BEND7: variants seen among roughly 807,000 people sequenced by gnomAD.
BEND7 encodes the protein BEN domain containing 7.
BEND7 carries 28 observed loss-of-function variants against 50.9 expected under a neutral mutation model. The ratio of observed to expected loss-of-function variants is 0.55; its 90% CI spans 0.41 to 0.75. The LOEUF is 0.75. BEND7 is among the 30% of genes least tolerant of loss of function. BEND7 has a pLI of 0.00. For synonymous variants in BEND7, 170 were observed against 183.9 expected (o/e 0.92, Z 0.61); for missense variants, 477 against 491.3 (o/e 0.97, Z 0.28).
chr10:13,477,461 T>A (rs1470158488), intron 6 of BEND7, among the ~76,000 whole-genome samples: 1 of 152,178 alleles, frequency 6.6e-6, no homozygotes, highest in African/African-American at 2.4e-5. Context: ...TTCAAAAGAC[T>A]CAGGTTAGGG....
At chr10:13,464,409 A>C (rs1265151143) in intron 6 of BEND7, among the ~76,000 whole-genome samples, 5 of 152,244 alleles carry the variant, frequency 3.3e-5, no homozygotes, top group Non-Finnish European at 5.9e-5. Context: ...AAGTTGCAAA[A>C]GTACCGTGTG....
intron 2 of BEND7, among the ~76,000 whole-genome samples, chr10:13,510,900 G>A (rs35946001): frequency 0.11 from 16,363 of 151,982 alleles, 1,104 homozygotes; most frequent in Non-Finnish European, 0.15. Flanking sequence ...GTCAAGGGCC[G>A]GGCACAGTGG....
intron 6 of BEND7, among the ~76,000 whole-genome samples, chr10:13,461,717 A>T (rs1465664275): frequency 6.9e-6 from 1 of 145,506 alleles, no homozygotes; most frequent in Non-Finnish European, 1.5e-5. Context: ...TGGGAGACAG[A>T]GCGAGACTCC....
Position 13,441,435 on chromosome 10 carries a change from T to TCTGGGTGTTGG in BEND7, c.*307_*308insCCAACACCCAG. ...TTGATACGTATTTCCAGTGTGTAGA[T>TCTGGGTGTTGG]CCGTTCATCGCACACATCTTTGGGT... On this transcript the variant is annotated 3_prime_UTR_variant, in exon 9 of 9. Transcript: ENST00000466271. The TCTGGGTGTTGG allele has an allele frequency of 8.2e-7, 1 of 1,224,466 alleles. No homozygotes were observed. Among genetic ancestry groups the TCTGGGTGTTGG allele is most frequent in the South Asian group, 3.4e-5 (1 of 29,684 alleles). The allele number at this position is 1,224,466 out of a possible 1,614,324, so 75.9% of individuals were successfully genotyped here.
At chr10:13,472,651 G>A (rs765119130) in intron 6 of BEND7, among the ~76,000 whole-genome samples, 47 of 150,846 alleles carry the variant, frequency 3.1e-4, no homozygotes, top group Non-Finnish European at 4.6e-4. Flanking sequence ...ACTCGGGGTC[G>A]ATACCCATCA....
chr10:13,471,282 CTGA>C (rs1358936262), intron 6 of BEND7, among the ~76,000 whole-genome samples: 1 of 152,344 alleles, frequency 6.6e-6, no homozygotes, highest in South Asian at 2.1e-4. Flanking sequence ...TTCATGCCTG[CTGA>C]TGATTTCTAG....
downstream of BEND7, among the ~76,000 whole-genome samples, chr10:13,440,533 G>C (rs781093624): frequency 1.3e-5 from 2 of 152,242 alleles, no homozygotes; most frequent in Non-Finnish European, 2.9e-5. Flanking sequence ...CCCAGAGTCA[G>C]ACCCTGAATT....
chr10:13,470,632 TGAG>T (rs1200274583), intron 6 of BEND7, among the ~76,000 whole-genome samples: 7 of 152,174 alleles, frequency 4.6e-5, no homozygotes, highest in African/African-American at 1.4e-4. Context: ...TTCACAGTTT[TGAG>T]GAGATGAGAT....
chr10:13,453,670 C>T (rs1348734703), intron 6 of BEND7, among the ~76,000 whole-genome samples: 1 of 152,010 alleles, frequency 6.6e-6, no homozygotes, highest in African/African-American at 2.4e-5. Context: ...GATAAATGGG[C>T]AAAAAATATT....
intron 6 of BEND7, 61 bp from the exon 7 acceptor site, chr10:13,452,719 CAGAAAT>C (rs1838041347): frequency 2.1e-6 from 3 of 1,442,560 alleles, no homozygotes; most frequent in Non-Finnish European, 2.8e-6. Flanking sequence ...AGATCTGAAA[CAGAAAT>C]ATATTCTAAA....
At chr10:13,516,367 CAG>C (rs2078670783) in intron 2 of BEND7, among the ~76,000 whole-genome samples, 1 of 152,202 alleles carries the variant, frequency 6.6e-6, no homozygotes, top group Admixed American at 6.5e-5. Flanking sequence ...TGGTGACACA[CAG>C]GGGCACAGGA....
At position 13,441,636 on chromosome 10, in the gene BEND7, A is replaced by T. The variant is rs1391204762; in HGVS notation, c.*107T>A. 3 of 1,585,626 alleles carry T rather than the reference A, an allele frequency of 1.9e-6. No individual in the cohort carries two copies. In the African/African-American group the frequency reaches 4.1e-5, roughly 22 times the overall value. ...ATTTTAACACGGCGAAAGGTCACCA[A>T]TTAATCTTCTCCCTTCCCTTGGGTA... On this transcript the variant is annotated 3_prime_UTR_variant, in exon 9 of 9. Coordinates refer to ENST00000466271, the MANE Select transcript of BEND7 (RefSeq NM_001369863.1).
intron 1 of BEND7, chr10:13,527,870 ATTTCTTTTC>A (rs1027711645): frequency 2.0e-6 from 2 of 982,374 alleles, no homozygotes; most frequent in East Asian, 1.1e-4. Flanking sequence ...AACTAGATGG[ATTTCTTTTC>A]TTTCTTTTCT....
intron 6 of BEND7, among the ~76,000 whole-genome samples, chr10:13,464,749 C>T (rs919083065): frequency 6.6e-6 from 1 of 152,204 alleles, no homozygotes; most frequent in Non-Finnish European, 1.5e-5. Context: ...GGACAAATGT[C>T]GTTCTTCAGT....
At chr10:13,476,530 CG>C (rs146124622) in intron 6 of BEND7, among the ~76,000 whole-genome samples, 4,078 of 152,236 alleles carry the variant, frequency 0.027, 179 homozygotes, top group African/African-American at 0.094. Context: ...ACTATGAAGT[CG>C]AATTAAAAAT....
chr10:13,515,726 G>A (rs1046216548), intron 2 of BEND7, among the ~76,000 whole-genome samples: 6 of 152,168 alleles, frequency 3.9e-5, no homozygotes, highest in Non-Finnish European at 8.8e-5. Context: ...CTTCATCCTG[G>A]CATCTGTGAG....
At chr10:13,518,316 T>G (rs552589103) in intron 2 of BEND7, among the ~76,000 whole-genome samples, 20 of 151,818 alleles carry the variant, frequency 1.3e-4, no homozygotes, top group African/African-American at 4.8e-4. Flanking sequence ...TCAGCCCCAC[T>G]GGCCCCTCAC....
At chr10:13,439,339 T>C (rs975503984), downstream of BEND7, 6 of 1,614,178 alleles carry the variant, frequency 3.7e-6, no homozygotes, top group Middle Eastern at 1.6e-4. Flanking sequence ...GTTTCAGCTC[T>C]GTCTCTGGTA....
chr10:13,453,467 C>T (rs1028787685), intron 6 of BEND7, among the ~76,000 whole-genome samples: 5 of 151,626 alleles, frequency 3.3e-5, no homozygotes, highest in African/African-American at 7.3e-5. Context: ...AAAGGTTTCT[C>T]TTAAAAAAAA....
Sources: gnomAD v4.1 joint callset for allele counts (sites outside exome capture counted in the v4.1 genomes callset) on GRCh38, gnomAD v4.1.1 for gene constraint, MANE v1.5 for transcripts, NCBI Gene and HGNC (gene_info 2026-07-23, HGNC 2026-07-21) for gene names.